Variants in POLK observed in about 807,000 individuals in gnomAD.
POLK encodes DNA polymerase kappa, also known as polymerase (DNA directed) kappa.
In POLK, 76 loss-of-function variants were observed where a neutral mutation model predicts 94.0. That is an observed-to-expected ratio of 0.81 (90% CI 0.67 to 0.98). The LOEUF (loss-of-function observed/expected upper bound fraction) is 0.98. Ranked by LOEUF, POLK falls within the 50% of genes least tolerant of loss-of-function variation. POLK has a pLI of 0.00. For synonymous variants in POLK, 349 were observed against 325.4 expected, an observed-to-expected ratio of 1.07 and a Z score of -0.78; for missense variants, 954 against 1,010.1, an observed-to-expected ratio of 0.94 and a Z score of 0.75.
At chr5:75,587,171 AT>A in intron 10 of POLK, 113 bp downstream of exon 10, 1 of 658,870 alleles carries the variant, frequency 1.5e-6, no homozygotes, top group East Asian at 3.0e-5. Flanking sequence ...GCAAATTACT[AT>A]AACAGTTTTT....
intron 3 of POLK, chr5:75,568,684 T>A (rs536402719): frequency 2.5e-5 from 11 of 442,248 alleles, no homozygotes; most frequent in South Asian, 1.5e-4. Flanking sequence ...TAGATTAACA[T>A]CAAATTTTAA....
At chr5:75,530,396 C>CTTTTTTTTTTTTTTTTTTTTTTTT (rs201266079) in intron 1 of POLK, among the ~76,000 whole-genome samples, 2 of 61,626 alleles carry the variant, frequency 3.2e-5, no homozygotes, top group East Asian at 4.8e-4. Context: ...TTCCCTTTTT[C>CTTTTTTTTTTTTTTTTTTTTTTTT]TTTTTTTTTT....
chr5:75,526,802 A>C (rs1768884083), intron 1 of POLK, among the ~76,000 whole-genome samples: 1 of 152,100 alleles, frequency 6.6e-6, no homozygotes, highest in African/African-American at 2.4e-5. Context: ...GCTGGTCTCG[A>C]ACTCCTGGCC....
intron 5 of POLK, 68 bp downstream of exon 5, chr5:75,573,937 C>T: frequency 6.6e-7 from 1 of 1,516,148 alleles, no homozygotes; most frequent in South Asian, 1.1e-5. Flanking sequence ...ATCTCAAGTC[C>T]AAGTGCCTTA....
chr5:75,529,326 A>G (rs1196783650), intron 1 of POLK, among the ~76,000 whole-genome samples: 1 of 152,146 alleles, frequency 6.6e-6, no homozygotes, highest in African/African-American at 2.4e-5. Context: ...ACTCAGAGCA[A>G]GAACTCACAT....
intron 10 of POLK, among the ~76,000 whole-genome samples, chr5:75,590,120 A>C (rs1772701126): frequency 6.6e-6 from 1 of 152,198 alleles, no homozygotes; most frequent in Non-Finnish European, 1.5e-5. Context: ...GCAAGAGCAT[A>C]AAATTGTTTC....
chr5:75,530,245 C>CTTTTTTTTTTTTTTT (rs575507126), intron 1 of POLK, among the ~76,000 whole-genome samples: 6 of 95,940 alleles, frequency 6.3e-5, no homozygotes, highest in Non-Finnish European at 1.1e-4. Context: ...ATTTGTATTT[C>CTTTTTTTTTTTTTTT]TTTTTTTTTT....
At chr5:75,596,509 A>G (rs778476117) in exon 13 of POLK, 1 of 1,614,066 alleles carries the variant, frequency 6.2e-7, no homozygotes, top group East Asian at 2.2e-5. Flanking sequence ...AAAGAAGAAG[A>G]TGAATGAGAA....
downstream of POLK, among the ~76,000 whole-genome samples, chr5:75,605,848 C>A (rs1048796527): frequency 6.6e-6 from 1 of 151,950 alleles, no homozygotes; most frequent in Non-Finnish European, 1.5e-5. Flanking sequence ...GGGTGGGTTG[C>A]CCCTACACAC....
At chr5:75,596,769 T>C in exon 13 of POLK, 3 of 1,612,328 alleles carry the variant, frequency 1.9e-6, no homozygotes, top group Non-Finnish European at 2.5e-6. Flanking sequence ...ATCCAAAAAT[T>C]AAAGAAATAT....
At chr5:75,593,930 G>T (rs773105464) in exon 12 of POLK, 5 of 1,606,584 alleles carry the variant, frequency 3.1e-6, no homozygotes, top group Middle Eastern at 1.7e-4. Context: ...GTAAAAACTC[G>T]TGCATCTACA....
chr5:75,593,824 CAGAG>C, intron 11 of POLK, 50 bp from the exon 12 acceptor site: 2 of 1,127,446 alleles, frequency 1.8e-6, no homozygotes, highest in Non-Finnish European at 2.5e-6. Context: ...GCATGGACAA[CAGAG>C]AGAGACCCTG....
intron 1 of POLK, among the ~76,000 whole-genome samples, chr5:75,538,218 G>A (rs1769550475): frequency 6.6e-6 from 1 of 152,144 alleles, no homozygotes; most frequent in African/African-American, 2.4e-5. Context: ...GCTGGAGGTA[G>A]CTGTTAACAT....
chr5:75,550,005 A>G (rs1561361199), intron 2 of POLK, among the ~76,000 whole-genome samples: 1 of 152,182 alleles, frequency 6.6e-6, no homozygotes, highest in Non-Finnish European at 1.5e-5. Flanking sequence ...CCCATCAAAG[A>G]AAAAAGACCA....
At chr5:75,596,672 C>T (rs535351080) in exon 13 of POLK, 10 of 1,613,740 alleles carry the variant, frequency 6.2e-6, no homozygotes, top group Middle Eastern at 1.6e-4. Flanking sequence ...AAAATGTTCT[C>T]GTGTTCACAT....
chr5:75,586,022 C>T (rs1057347828), intron 9 of POLK, among the ~76,000 whole-genome samples: 5 of 152,070 alleles, frequency 3.3e-5, no homozygotes, highest in Admixed American at 2.0e-4. Context: ...TATCACAGCA[C>T]TATAAATAAT....
chr5:75,602,128 G>A (rs1217988087), downstream of POLK, among the ~76,000 whole-genome samples: 2 of 152,176 alleles, frequency 1.3e-5, no homozygotes, highest in African/African-American at 4.8e-5. Flanking sequence ...GTGACAGCAT[G>A]TGCAAAATAT....
chr5:75,573,305 T>C (rs1043568322), intron 4 of POLK, among the ~76,000 whole-genome samples: 2 of 152,008 alleles, frequency 1.3e-5, no homozygotes, highest in African/African-American at 4.8e-5. Context: ...TAGATGAGAA[T>C]TGAACAACGA....
intron 3 of POLK, among the ~76,000 whole-genome samples, chr5:75,553,246 G>A (rs2112665452): frequency 6.6e-6 from 1 of 152,168 alleles, no homozygotes; most frequent in East Asian, 1.9e-4. Context: ...GGCACTGTGT[G>A]GTAGACTGAC....
Sources: gnomAD v4.1 joint callset for allele counts (sites outside exome capture counted in the v4.1 genomes callset) on GRCh38, gnomAD v4.1.1 for gene constraint, MANE v1.5 for transcripts, NCBI Gene and HGNC (gene_info 2026-07-23, HGNC 2026-07-21) for gene names.